Variants in DPY19L1 observed in about 807,000 individuals in gnomAD.
DPY19L1 encodes dpy-19 like C-mannosyltransferase 1.
DPY19L1 carries 35 observed loss-of-function variants against 96.9 expected under a neutral mutation model. That is an observed-to-expected ratio of 0.36 (90% CI 0.28 to 0.48). The LOEUF (loss-of-function observed/expected upper bound fraction) is 0.48, where lower values mean the gene tolerates loss of function less well. DPY19L1 is among the 20% of genes least tolerant of loss of function. The probability of loss-of-function intolerance (pLI) is 0.99; values close to 1 mark genes in which losing one functional copy is unlikely to be tolerated. For synonymous variants in DPY19L1, 205 were observed against 252.6 expected (o/e 0.81, Z 1.79); for missense variants, 521 against 777.9 (o/e 0.67, Z 3.93).
At chr7:34,979,035 T>TTA (rs1562814449) in intron 7 of DPY19L1, among the ~76,000 whole-genome samples, 13 of 152,154 alleles carry the variant, frequency 8.5e-5, no homozygotes. Flanking sequence ...TAAACTGTAC[T>TTA]ATCTTTATAA....
chr7:35,014,285 C>A (rs1785786305), intron 3 of DPY19L1, among the ~76,000 whole-genome samples: 1 of 152,048 alleles, frequency 6.6e-6, no homozygotes, highest in Admixed American at 6.6e-5. Context: ...AAGGTAAGAA[C>A]CCTGTGCGAC....
intron 6 of DPY19L1, chr7:35,000,762 A>C (rs1383924356): frequency 6.6e-6 from 1 of 152,254 alleles, no homozygotes; most frequent in Non-Finnish European, 1.5e-5. Context: ...AAGAGAACGG[A>C]AAGTCTAGAT....
At chr7:35,011,989 C>T (rs1562826248) in intron 4 of DPY19L1, among the ~76,000 whole-genome samples, 1 of 152,210 alleles carries the variant, frequency 6.6e-6, no homozygotes, top group African/African-American at 2.4e-5. Flanking sequence ...ATGGTACAAG[C>T]GGTGGCAAGC....
At chr7:35,011,201 C>T in intron 5 of DPY19L1, 129 bp downstream of exon 5, 1 of 1,092,956 alleles carries the variant, frequency 9.1e-7, no homozygotes, top group Non-Finnish European at 1.3e-6. Context: ...TCTGGACTTG[C>T]AGAATCTATA....
intron 7 of DPY19L1, among the ~76,000 whole-genome samples, chr7:34,981,463 C>G (rs1015115833): frequency 2.6e-5 from 4 of 152,082 alleles, no homozygotes; most frequent in African/African-American, 9.7e-5. Flanking sequence ...TCAAGTGTCT[C>G]AAAGTATCAT....
Position 34,945,651 on chromosome 7 carries a change from T to C in DPY19L1, c.1544+16A>G. 6.4e-7 allele frequency: 1 copy of C among 1,556,724 alleles called. No homozygotes were observed. Among genetic ancestry groups the C allele is most frequent in the Non-Finnish European group, 8.8e-7 (1 of 1,136,810 alleles). ...ATGAACAGAGGAGGTAATAAAATTCTTAATAGCATATTTACCTTACATGTG... is the reference window on the plus strand; with the variant it reads ...ATGAACAGAGGAGGTAATAAAATTCCTAATAGCATATTTACCTTACATGTG... On this transcript the variant is annotated intron_variant, in intron 16 of 21. Transcript: ENST00000638088.
Position 34,945,727 on chromosome 7 carries a change from ATT to A in DPY19L1, c.1495-13_1495-12del, listed in dbSNP as rs758635721. ...CATATCACTAATAATCTGTAAATAG[ATT>A]TTGAAACACTTTAGAAAAGCTGTGT... On this transcript the variant is annotated splice_polypyrimidine_tract_variant and intron_variant, in intron 15 of 21. Transcript: ENST00000638088. 2.1e-5 allele frequency: 33 copies of A among 1,577,518 alleles called. No homozygotes were observed. Among genetic ancestry groups the A allele is most frequent in the Admixed American group, 3.5e-5 (2 of 57,480 alleles).
intron 7 of DPY19L1, among the ~76,000 whole-genome samples, chr7:34,980,112 A>C (rs1784908684): frequency 6.6e-6 from 1 of 152,150 alleles, no homozygotes; most frequent in Non-Finnish European, 1.5e-5. Flanking sequence ...CTATATAGTC[A>C]CTTTATTTAT....
At chr7:35,021,607 G>A (rs1341286738) in intron 1 of DPY19L1, among the ~76,000 whole-genome samples, 1 of 152,200 alleles carries the variant, frequency 6.6e-6, no homozygotes, top group Non-Finnish European at 1.5e-5. Context: ...TATGTCATAT[G>A]TACAAATATT....
intron 9 of DPY19L1, among the ~76,000 whole-genome samples, chr7:34,969,083 T>C (rs935514828): frequency 6.6e-6 from 1 of 152,082 alleles, no homozygotes; most frequent in African/African-American, 2.4e-5. Flanking sequence ...AGAAATACTA[T>C]AGTTAACTTA....
Position 34,980,481 on chromosome 7 carries a change from A to G in DPY19L1, c.823-6876T>C, listed in dbSNP as rs978686078. ...CTCAAAAAGATCTGTGTACACAAAG[A>G]TAAAAATCAAAAAACGAAAAAAGAG... On this transcript the variant is annotated intron_variant, in intron 7 of 21. Coordinates refer to ENST00000638088, the MANE Select transcript of DPY19L1 (RefSeq NM_001366673.1). 7.0e-4 allele frequency among the ~76,000 whole-genome samples: 106 copies of G among 152,290 alleles called. 1 individual carries two copies. The highest frequency in any genetic ancestry group is 2.4e-3 in the African/African-American group (100 of 41,582).
intron 14 of DPY19L1, among the ~76,000 whole-genome samples, chr7:34,948,962 G>C (rs959617286): frequency 6.6e-6 from 1 of 152,152 alleles, no homozygotes; most frequent in African/African-American, 2.4e-5. Flanking sequence ...TGGAACTCTG[G>C]ACACTGGGCT....
chr7:34,986,780 T>C (rs1383358546), intron 7 of DPY19L1, among the ~76,000 whole-genome samples: 1 of 152,064 alleles, frequency 6.6e-6, no homozygotes, highest in Non-Finnish European at 1.5e-5. Context: ...AATCCTTTCA[T>C]TCACTTTAAA....
rs137999828 is a variant in DPY19L1 at position 35,035,664 on chromosome 7, A to G, written c.298+1433T>C. Among the ~76,000 whole-genome samples, 11 of 152,284 alleles carry G rather than the reference A, an allele frequency of 7.2e-5. No homozygotes were observed. The East Asian group carries it at 2.1e-3, about 29-fold the overall frequency. On this transcript the variant is annotated intron_variant, in intron 1 of 21. Transcript: ENST00000638088. Reference sequence around the variant, plus strand: ...AACACAAAGTATCTTCCCATGTATCACCCACACCTTTTAGTTATGATCCTT... The same window carrying G: ...AACACAAAGTATCTTCCCATGTATCGCCCACACCTTTTAGTTATGATCCTT...
intron 3 of DPY19L1, among the ~76,000 whole-genome samples, chr7:35,014,898 A>G (rs1477892226): frequency 2.0e-5 from 3 of 152,144 alleles, no homozygotes; most frequent in Non-Finnish European, 2.9e-5. Flanking sequence ...AGGCCATGTG[A>G]AGAGGGGTCA....
chr7:34,991,498 G>C (rs1429829018), intron 6 of DPY19L1, among the ~76,000 whole-genome samples: 5 of 152,166 alleles, frequency 3.3e-5, no homozygotes, highest in Admixed American at 1.3e-4. Flanking sequence ...CTCCTGAAAG[G>C]TGTACCACAT....
chr7:34,973,112 G>A (rs914687554), intron 8 of DPY19L1, among the ~76,000 whole-genome samples: 1 of 152,114 alleles, frequency 6.6e-6, no homozygotes, highest in African/African-American at 2.4e-5. Flanking sequence ...CAGCAGAAAG[G>A]GAGAGAAGTG....
intron 3 of DPY19L1, among the ~76,000 whole-genome samples, chr7:35,015,558 G>A (rs1785825903): frequency 6.6e-6 from 1 of 152,348 alleles, no homozygotes; most frequent in African/African-American, 2.4e-5. Flanking sequence ...ACCTCTGGAA[G>A]TTACCCTGTA....
intron 6 of DPY19L1, among the ~76,000 whole-genome samples, chr7:35,010,223 C>T (rs146708025): frequency 0.019 from 2,906 of 151,658 alleles, 103 homozygotes; most frequent in African/African-American, 0.067. Flanking sequence ...GAGTGAGACC[C>T]TGTCTCAAAA....
Sources: allele counts gnomAD v4.1 joint callset (sites outside exome capture counted in the v4.1 genomes callset), GRCh38; gene constraint gnomAD v4.1.1; transcripts MANE v1.5; gene names NCBI Gene and HGNC (gene_info 2026-07-23, HGNC 2026-07-21).